Variants in DGKB observed in about 807,000 individuals in gnomAD.
DGKB encodes the protein diacylglycerol kinase beta, also known as 90 kDa diacylglycerol kinase.
In DGKB, 67 loss-of-function variants were observed where a neutral mutation model predicts 114.3. The observed-to-expected ratio is 0.59, with a 90% CI of 0.48 to 0.72. The LOEUF is 0.72. Ranked by LOEUF, DGKB falls within the 30% of genes least tolerant of loss-of-function variation. DGKB has a pLI of 0.00. For missense variants in DGKB, 907 were observed against 975.2 expected, an observed-to-expected ratio of 0.93 and a Z score of 0.93; for synonymous variants, 398 against 323.1, an observed-to-expected ratio of 1.23 and a Z score of -2.49.
At chr7:14,649,253 G>A (rs1411582260) in intron 13 of DGKB, among the ~76,000 whole-genome samples, 7 of 151,028 alleles carry the variant, frequency 4.6e-5, no homozygotes, top group Non-Finnish European at 8.8e-5. Flanking sequence ...GAGAAAGGTC[G>A]GGTTCCCCTC....
intron 1 of DGKB, among the ~76,000 whole-genome samples, chr7:14,932,822 C>T (rs1785090436): frequency 6.6e-6 from 1 of 152,144 alleles, no homozygotes; most frequent in African/African-American, 2.4e-5. Context: ...AAAGGGCTTC[C>T]AGGCAACTGG....
At chr7:14,607,899 G>A (rs1047684457) in intron 16 of DGKB, among the ~76,000 whole-genome samples, 8 of 151,714 alleles carry the variant, frequency 5.3e-5, no homozygotes, top group African/African-American at 1.9e-4. Flanking sequence ...AAATCCTTGT[G>A]AATAATTTGT....
intron 23 of DGKB, among the ~76,000 whole-genome samples, chr7:14,218,911 C>T (rs921580717): frequency 3.3e-5 from 5 of 151,944 alleles, no homozygotes; most frequent in Admixed American, 3.3e-4. Flanking sequence ...CTGTATTCTC[C>T]AATCCCCCAC....
intron 9 of DGKB, among the ~76,000 whole-genome samples, chr7:14,692,976 T>G (rs572410542): frequency 6.6e-6 from 1 of 152,298 alleles, no homozygotes; most frequent in South Asian, 2.1e-4. Context: ...AACCCATATG[T>G]GCCAACATAT....
At chr7:14,959,852 A>C (rs1311645873) in intron 1 of DGKB, among the ~76,000 whole-genome samples, 1 of 152,020 alleles carries the variant, frequency 6.6e-6, no homozygotes, top group Non-Finnish European at 1.5e-5. Flanking sequence ...TCATATGAAA[A>C]TGTCTATATA....
At chr7:14,786,066 A>G (rs1279814798) in intron 2 of DGKB, among the ~76,000 whole-genome samples, 1 of 152,038 alleles carries the variant, frequency 6.6e-6, no homozygotes, top group Non-Finnish European at 1.5e-5. Flanking sequence ...GACATTTGCA[A>G]GCAATTGTAC....
intron 11 of DGKB, 35 bp downstream of exon 11, chr7:14,682,718 C>G: frequency 6.2e-7 from 1 of 1,605,208 alleles, no homozygotes; most frequent in Non-Finnish European, 8.5e-7. Context: ...TACATAATGG[C>G]CACCTTCAGA....
At chr7:14,195,023 A>G (rs1335796114) in intron 23 of DGKB, among the ~76,000 whole-genome samples, 1 of 152,176 alleles carries the variant, frequency 6.6e-6, no homozygotes, top group African/African-American at 2.4e-5. Flanking sequence ...CCATAGAGAA[A>G]GAGTTTAAAG....
chr7:14,643,395 G>A (rs1462201040), intron 13 of DGKB, among the ~76,000 whole-genome samples: 3 of 152,058 alleles, frequency 2.0e-5, no homozygotes, highest in Non-Finnish European at 2.9e-5. Flanking sequence ...ACACTCCTGG[G>A]ACCAAAGCTG....
intron 13 of DGKB, among the ~76,000 whole-genome samples, chr7:14,657,929 C>T (rs930429422): frequency 1.3e-5 from 2 of 151,904 alleles, no homozygotes; most frequent in Non-Finnish European, 2.9e-5. Flanking sequence ...GAGAAAGAGA[C>T]ACACACCATA....
intron 2 of DGKB, among the ~76,000 whole-genome samples, chr7:14,765,815 C>T (rs1836366179): frequency 6.6e-6 from 1 of 151,898 alleles, no homozygotes; most frequent in Non-Finnish European, 1.5e-5. Context: ...TTAAGAGATA[C>T]TATTAGGGAC....
At chr7:14,919,207 C>T (rs1410272862) in intron 1 of DGKB, among the ~76,000 whole-genome samples, 1 of 151,448 alleles carries the variant, frequency 6.6e-6, no homozygotes. Context: ...CTGACACCAC[C>T]CAACTTCAAT....
chr7:14,939,911 C>T lies in DGKB; in HGVS notation c.-188+34785G>A, dbSNP rs372599369. Among the ~76,000 whole-genome samples the T allele has an allele frequency of 3.3e-5, 5 of 152,186 alleles. No individual in the cohort carries two copies. The East Asian group carries it at 9.7e-4, about 29-fold the overall frequency. On this transcript the variant is annotated intron_variant, in intron 1 of 4. Coordinates refer to the DGKB transcript ENST00000437998. Reference sequence around the variant, plus strand: ...TACAGGCGTGAGCCACCACACCCAGCCAATTCATATTTATAAAATTGAAAA... The same window carrying T: ...TACAGGCGTGAGCCACCACACCCAGTCAATTCATATTTATAAAATTGAAAA...
intron 6 of DGKB, among the ~76,000 whole-genome samples, 165 bp from the exon 7 acceptor site, chr7:14,701,895 GAATT>G (rs1000171790): frequency 6.8e-4 from 85 of 124,470 alleles, no homozygotes; most frequent in African/African-American, 2.1e-3. Context: ...AATTGAAAAT[GAATT>G]AATTAGTTAA....
intron 21 of DGKB, among the ~76,000 whole-genome samples, chr7:14,407,667 A>C (rs2128739272): frequency 6.6e-6 from 1 of 152,250 alleles, no homozygotes; most frequent in East Asian, 1.9e-4. Context: ...GAAATTAATA[A>C]GAGGTTTTTC....
intron 21 of DGKB, among the ~76,000 whole-genome samples, chr7:14,432,014 A>G (rs1421409196): frequency 1.3e-5 from 2 of 152,256 alleles, no homozygotes; most frequent in African/African-American, 4.8e-5. Flanking sequence ...TTCAGGGGAA[A>G]ATGAAAGTGC....
In DGKB at chr7:14,668,651, C is replaced by G. The variant is rs139623895; in HGVS notation, c.1134+4278G>C. ...AATCTCAATTCCTACCTCACTCACT[C>G]TCAACCTGACACCATTTACCTTGAT... On this transcript the variant is annotated intron_variant, in intron 13 of 25. Coordinates refer to ENST00000402815, the MANE Select transcript of DGKB (RefSeq NM_001350709.2). Among the ~76,000 whole-genome samples the G allele has an allele frequency of 3.6e-3, 555 of 152,228 alleles. 3 individuals carry two copies. The highest frequency in any genetic ancestry group is 0.012 in the African/African-American group (511 of 41,546).
chr7:14,442,976 G>C (rs1042299135), intron 21 of DGKB, among the ~76,000 whole-genome samples: 4 of 152,042 alleles, frequency 2.6e-5, no homozygotes, highest in Non-Finnish European at 5.9e-5. Context: ...GCAAAAATGT[G>C]GTTTACCTGA....
At chr7:14,385,930 A>G (rs558962177) in intron 21 of DGKB, among the ~76,000 whole-genome samples, 2 of 152,334 alleles carry the variant, frequency 1.3e-5, no homozygotes, top group South Asian at 2.1e-4. Context: ...TACTGCCAAT[A>G]TTACTACAGC....
Sources: gnomAD v4.1 joint callset for allele counts (sites outside exome capture counted in the v4.1 genomes callset) on GRCh38, gnomAD v4.1.1 for gene constraint, MANE v1.5 for transcripts, NCBI Gene and HGNC (gene_info 2026-07-23, HGNC 2026-07-21) for gene names.